CTNND2: variants seen among roughly 807,000 people sequenced by gnomAD.
The protein encoded by CTNND2 is catenin delta 2.
CTNND2 carries 22 observed loss-of-function variants against 144.4 expected under a neutral mutation model. The ratio of observed to expected loss-of-function variants is 0.15; its 90% CI spans 0.11 to 0.22. The LOEUF is 0.22. Among genes scored for constraint, CTNND2 ranks in the 10% least tolerant of loss-of-function variants. CTNND2 has a pLI of 1.00. For synonymous variants in CTNND2, 751 were observed against 695.6 expected (o/e 1.08, Z -1.25); for missense variants, 1,353 against 1,618.8 (o/e 0.84, Z 2.82).
chr5:11,212,812 C>G (rs931963822), intron 10 of CTNND2, among the ~76,000 whole-genome samples: 1 of 152,104 alleles, frequency 6.6e-6, no homozygotes, highest in Non-Finnish European at 1.5e-5. Context: ...GAGCCCCTCC[C>G]AGAGGTAAGA....
intron 11 of CTNND2, among the ~76,000 whole-genome samples, chr5:11,168,224 T>C (rs1432889490): frequency 5.3e-5 from 8 of 152,198 alleles, no homozygotes; most frequent in Non-Finnish European, 1.5e-5. Flanking sequence ...TTCTATTAGA[T>C]GTTTACCAAA....
intron 16 of CTNND2, among the ~76,000 whole-genome samples, chr5:11,073,353 G>C (rs754354702): frequency 6.6e-6 from 1 of 152,050 alleles, no homozygotes; most frequent in Non-Finnish European, 1.5e-5. Context: ...GCTTTTCTTC[G>C]GAAACTGTTT....
intron 18 of CTNND2, among the ~76,000 whole-genome samples, chr5:10,995,733 C>G (rs1739271454): frequency 6.6e-6 from 1 of 151,938 alleles, no homozygotes; most frequent in South Asian, 2.1e-4. Flanking sequence ...GGAAAAATGG[C>G]AGGAAGAACA....
intron 2 of CTNND2, among the ~76,000 whole-genome samples, chr5:11,680,889 C>T (rs1340353943): frequency 2.0e-5 from 3 of 152,144 alleles, no homozygotes; most frequent in African/African-American, 7.2e-5. Flanking sequence ...GTAAATAGAG[C>T]TCCACCACTC....
chr5:11,125,461 C>T (rs1371439134), intron 12 of CTNND2, among the ~76,000 whole-genome samples: 2 of 152,248 alleles, frequency 1.3e-5, no homozygotes, highest in East Asian at 3.8e-4. Context: ...TTGCTTTGGC[C>T]TCCTCATCCG....
chr5:11,629,883 G>A (rs1781332766), intron 2 of CTNND2, among the ~76,000 whole-genome samples: 1 of 151,810 alleles, frequency 6.6e-6, no homozygotes, highest in South Asian at 2.1e-4. Context: ...AATAGGCTAT[G>A]ATACGTCATG....
chr5:11,646,640 GT>G (rs1782373923), intron 2 of CTNND2, among the ~76,000 whole-genome samples: 1 of 58,600 alleles, frequency 1.7e-5, no homozygotes, highest in African/African-American at 1.6e-4. Context: ...GAAATATCAA[GT>G]AAATTTCGTT....
At chr5:11,297,278 T>C (rs972659561) in intron 9 of CTNND2, among the ~76,000 whole-genome samples, 9 of 152,264 alleles carry the variant, frequency 5.9e-5, no homozygotes, top group African/African-American at 2.2e-4. Flanking sequence ...AGTTTTGGTA[T>C]AGTATCAAAT....
intron 10 of CTNND2, among the ~76,000 whole-genome samples, chr5:11,228,388 G>A (rs1740611703): frequency 1.4e-5 from 2 of 138,568 alleles, no homozygotes; most frequent in Non-Finnish European, 3.1e-5. Context: ...AACAAAGAAT[G>A]TGAATGCTCA....
At chr5:10,990,402 TC>T (rs1253085829) in intron 19 of CTNND2, among the ~76,000 whole-genome samples, 1 of 152,226 alleles carries the variant, frequency 6.6e-6, no homozygotes, top group Non-Finnish European at 1.5e-5. Context: ...GGGCTCTGCA[TC>T]CAGTTCCTGT....
At chr5:11,377,209 C>G (rs1389510085) in intron 7 of CTNND2, among the ~76,000 whole-genome samples, 1 of 151,500 alleles carries the variant, frequency 6.6e-6, no homozygotes, top group African/African-American at 2.4e-5. Context: ...CGCCGCCACA[C>G]CTGGCTAATT....
At chr5:11,215,310 A>G (rs1458304687) in intron 10 of CTNND2, among the ~76,000 whole-genome samples, 4 of 152,226 alleles carry the variant, frequency 2.6e-5, no homozygotes, top group Non-Finnish European at 5.9e-5. Flanking sequence ...ACCTCTAAAA[A>G]TGTTTTTCTT....
intron 18 of CTNND2, among the ~76,000 whole-genome samples, chr5:10,996,547 G>T (rs1739371555): frequency 6.6e-6 from 1 of 152,136 alleles, no homozygotes; most frequent in Non-Finnish European, 1.5e-5. Flanking sequence ...AGGGCCGACA[G>T]GAGATGAGCA....
chr5:11,612,725 T>C (rs72734927), intron 2 of CTNND2, among the ~76,000 whole-genome samples: 4,719 of 151,844 alleles, frequency 0.031, 131 homozygotes, highest in Non-Finnish European at 0.053. Flanking sequence ...CATACTGAGA[T>C]CCCCACCTCT....
intron 1 of CTNND2, among the ~76,000 whole-genome samples, chr5:11,873,035 A>C (rs1735277563): frequency 6.6e-6 from 1 of 152,232 alleles, no homozygotes; most frequent in Non-Finnish European, 1.5e-5. Context: ...TGCGCAGCAA[A>C]AGAAACTATT....
At chr5:11,574,619 C>A (rs986962563) in intron 2 of CTNND2, among the ~76,000 whole-genome samples, 15 of 152,132 alleles carry the variant, frequency 9.9e-5, no homozygotes, top group African/African-American at 3.6e-4. Context: ...TTATGTCCAA[C>A]CACAGAAAGA....
At chr5:11,361,394 G>A (rs574851169) in intron 8 of CTNND2, among the ~76,000 whole-genome samples, 7 of 152,136 alleles carry the variant, frequency 4.6e-5, no homozygotes, top group East Asian at 1.9e-4. Context: ...GGGCTCAAGC[G>A]ATTCTCTCAT....
In CTNND2 at chr5:11,251,732, G is replaced by T. The variant is rs189386591; in HGVS notation, c.1629-14909C>A. 3.0e-4 allele frequency among the ~76,000 whole-genome samples: 45 copies of T among 152,238 alleles called. No individual in the cohort carries two copies. The East Asian group carries it at 8.7e-3, about 29-fold the overall frequency. On this transcript the variant is annotated intron_variant, in intron 9 of 21. Coordinates refer to ENST00000304623, the MANE Select transcript of CTNND2 (RefSeq NM_001332.4). ...GGAGAAGGGCAAATTATGTGTATAT[G>T]AATAGGAAGTTCGTCTTGTAAAAGT...
intron 10 of CTNND2, among the ~76,000 whole-genome samples, chr5:11,201,446 C>T (rs1487493506): frequency 6.6e-6 from 1 of 152,204 alleles, no homozygotes; most frequent in East Asian, 1.9e-4. Context: ...TATCCAGAGG[C>T]CTCAGCCCTG....
Sources: gnomAD v4.1 joint callset for allele counts (sites outside exome capture counted in the v4.1 genomes callset) on GRCh38, gnomAD v4.1.1 for gene constraint, MANE v1.5 for transcripts, NCBI Gene and HGNC (gene_info 2026-07-23, HGNC 2026-07-21) for gene names.